Variants in CPAMD8 observed in about 807,000 individuals in gnomAD.
The protein encoded by CPAMD8 is C3 and PZP like alpha-2-macroglobulin domain containing 8.
CPAMD8 carries 146 observed loss-of-function variants against 224.7 expected under a neutral mutation model. The ratio of observed to expected loss-of-function variants is 0.65; its 90% CI spans 0.57 to 0.75. CPAMD8 has a LOEUF of 0.75. Among genes scored for constraint, CPAMD8 ranks in the 30% least tolerant of loss-of-function variants. CPAMD8 has a pLI of 0.00. For missense variants in CPAMD8, 2,301 were observed against 2,537.5 expected, an observed-to-expected ratio of 0.91 and a Z score of 2.00; for synonymous variants, 966 against 1,044.6, an observed-to-expected ratio of 0.92 and a Z score of 1.45.
chr19:17,012,069 G>C (rs1027959482), intron 3 of CPAMD8, among the ~76,000 whole-genome samples: 3 of 151,624 alleles, frequency 2.0e-5, no homozygotes, highest in Admixed American at 2.0e-4. Flanking sequence ...GCCCAGGCTG[G>C]AGTGTAGTGG....
At chr19:16,928,882 C>T (rs1300482293) in intron 24 of CPAMD8, 60 bp downstream of exon 24, 1 of 1,364,102 alleles carries the variant, frequency 7.3e-7, no homozygotes, top group East Asian at 2.3e-5. Flanking sequence ...AAACAGGAAG[C>T]AGCTAGTATT....
At chr19:16,955,973 C>T (rs150364635) in intron 19 of CPAMD8, among the ~76,000 whole-genome samples, 4 of 152,206 alleles carry the variant, frequency 2.6e-5, no homozygotes, top group South Asian at 2.1e-4. Flanking sequence ...CACCACACCC[C>T]GCCTTTAAAC....
At chr19:16,977,197 G>A (rs1217546832) in intron 15 of CPAMD8, among the ~76,000 whole-genome samples, 171 bp downstream of exon 15, 1 of 152,082 alleles carries the variant, frequency 6.6e-6, no homozygotes, top group African/African-American at 2.4e-5. Context: ...ATCTCCTTTT[G>A]TGTGACTTTT....
intron 29 of CPAMD8, among the ~76,000 whole-genome samples, chr19:16,912,671 C>T (rs1276809875): frequency 6.6e-6 from 1 of 152,032 alleles, no homozygotes. Flanking sequence ...GCCATGGATC[C>T]CACCCTGCAA....
chr19:16,919,930 C>A (rs2053104756), intron 27 of CPAMD8, among the ~76,000 whole-genome samples: 1 of 152,178 alleles, frequency 6.6e-6, no homozygotes, highest in Non-Finnish European at 1.5e-5. Context: ...TCCCATGGAT[C>A]CAGGTTCTTA....
chr19:16,896,579 C>T lies in CPAMD8; in HGVS notation c.5152G>A (p.Ala1718Thr), dbSNP rs889866735. Reference protein sequence around the residue: ...ARCGCDHDCGAQGNPVCGSDG... With the variant: ...ARCGCDHDCGTQGNPVCGSDG... ...GAGCCGCACACCGGGTTCCCCTGGG[C>T]GCCGCAGTCGTGGTCGCAGCCGCAT... Residue 1718 changes from alanine to threonine, a missense_variant, in exon 40 of 42, where the codon GCC becomes ACC. By Grantham distance (58) the Ala-to-Thr change is moderately conservative. Around this residue, in one of 4 missense-constraint regions of CPAMD8, gnomAD observed 1,709 missense variants for 1,753.2 expected, o/e 0.97. Transcript: ENST00000443236. 13 of 1,510,892 alleles carry T rather than the reference C, an allele frequency of 8.6e-6. No homozygotes were observed. The highest frequency in any genetic ancestry group is 1.1e-5 in the Non-Finnish European group (13 of 1,136,152). 93.6% of individuals were successfully genotyped at this position (1,510,892 alleles called of 1,614,324 possible).
chr19:16,896,064 T>C (rs1296405326), intron 41 of CPAMD8, 112 bp downstream of exon 41: 1 of 1,168,800 alleles, frequency 8.6e-7, no homozygotes, highest in South Asian at 1.3e-5. Flanking sequence ...CAGTGGGGGG[T>C]CGGGGCGGGG....
At chr19:17,011,424 G>A (rs1432665747) in intron 5 of CPAMD8, 40 bp downstream of exon 5, 1 of 1,610,944 alleles carries the variant, frequency 6.2e-7, no homozygotes, top group Non-Finnish European at 8.5e-7. Context: ...AGTCCCAAGT[G>A]GGTGCACTCC....
chr19:17,023,883 G>A (rs1395911309), intron 1 of CPAMD8, among the ~76,000 whole-genome samples: 1 of 152,060 alleles, frequency 6.6e-6, no homozygotes, highest in Non-Finnish European at 1.5e-5. Flanking sequence ...GGCCTCAATA[G>A]TGTCTCTAGA....
intron 7 of CPAMD8, among the ~76,000 whole-genome samples, chr19:17,007,479 G>A (rs538775812): frequency 3.3e-5 from 5 of 151,082 alleles, no homozygotes; most frequent in Non-Finnish European, 7.4e-5. Flanking sequence ...AGGAGGAGGA[G>A]GGAGAATAAG....
At chr19:16,945,937 G>A (rs764585995) in intron 21 of CPAMD8, among the ~76,000 whole-genome samples, 3 of 152,152 alleles carry the variant, frequency 2.0e-5, no homozygotes, top group East Asian at 3.9e-4. Context: ...GCATATGCAC[G>A]TGTGTGCATT....
chr19:16,942,712 C>T (rs1328612678), intron 22 of CPAMD8, among the ~76,000 whole-genome samples: 1 of 152,200 alleles, frequency 6.6e-6, no homozygotes, highest in Non-Finnish European at 1.5e-5. Context: ...CACTCTGCCC[C>T]TCTGCCGTGG....
chr19:16,955,756 A>G (rs932083760), intron 19 of CPAMD8, among the ~76,000 whole-genome samples: 1 of 152,170 alleles, frequency 6.6e-6, no homozygotes, highest in Non-Finnish European at 1.5e-5. Flanking sequence ...GTGTCACTGC[A>G]GCCTCAACCT....
chr19:16,914,315 C>A, intron 29 of CPAMD8, 109 bp downstream of exon 29: 1 of 823,552 alleles, frequency 1.2e-6, no homozygotes, highest in Non-Finnish European at 2.0e-6. Context: ...CGATAATGAG[C>A]AGAAGGAGGG....
chr19:16,945,870 C>T (rs2054057867), intron 21 of CPAMD8, among the ~76,000 whole-genome samples, 191 bp from the exon 22 acceptor site: 2 of 151,684 alleles, frequency 1.3e-5, no homozygotes, highest in African/African-American at 4.9e-5. Context: ...TTTGAATGTA[C>T]AGGCTCATGT....
chr19:16,913,020 A>C (rs2052787730), intron 29 of CPAMD8, among the ~76,000 whole-genome samples: 1 of 152,250 alleles, frequency 6.6e-6, no homozygotes, highest in Admixed American at 6.5e-5. Flanking sequence ...CCAGAATAAG[A>C]ATATTTGCAG....
chr19:16,902,896 C>A, intron 34 of CPAMD8, 33 bp from the exon 35 acceptor site: 4 of 1,423,676 alleles, frequency 2.8e-6, no homozygotes, highest in Non-Finnish European at 3.8e-6. Context: ...GGCTTAGGGA[C>A]CTGGGCCCTC....
intron 23 of CPAMD8, among the ~76,000 whole-genome samples, chr19:16,930,688 C>A (rs997869251): frequency 9.9e-5 from 15 of 152,094 alleles, no homozygotes; most frequent in Admixed American, 9.2e-4. Flanking sequence ...CCTCGTGGGC[C>A]ACAGACTAGC....
chr19:16,945,524 A>T, intron 22 of CPAMD8, 25 bp downstream of exon 22: 1 of 1,610,000 alleles, frequency 6.2e-7, no homozygotes, highest in Non-Finnish European at 8.5e-7. Context: ...CTGGCTAAGC[A>T]CCAGAGATGA....
Sources: gnomAD v4.1 joint callset for allele counts (sites outside exome capture counted in the v4.1 genomes callset) on GRCh38, gnomAD v4.1.1 for gene constraint, gnomAD v4.1.1 regional missense constraint, MANE v1.5 for transcripts, NCBI Gene and HGNC (gene_info 2026-07-23, HGNC 2026-07-21) for gene names.